The following TRIT1 variants were observed in gnomAD, a reference collection of about 807,000 sequenced individuals.
TRIT1 encodes tRNA isopentenyltransferase 1, also known as tRNA dimethylallyltransferase.
In TRIT1, 43 loss-of-function variants were observed where a neutral mutation model predicts 51.2. The ratio of observed to expected loss-of-function variants is 0.84; its 90% CI spans 0.66 to 1.08. The LOEUF (loss-of-function observed/expected upper bound fraction) is 1.08. Ranked by LOEUF, TRIT1 falls within the 50% of genes least tolerant of loss-of-function variation. The pLI, the probability that TRIT1 is intolerant of heterozygous loss-of-function variation, is 0.00. For synonymous variants in TRIT1, 184 were observed against 203.9 expected (o/e 0.90, Z 0.83); for missense variants, 528 against 578.4 (o/e 0.91, Z 0.89).
rs761938379 is a variant in TRIT1 at position 39,840,930 on chromosome 1, GAACA to G, written c.*810_*813del. ...TTAAATAAACACCCGCTACATAAAT[GAACA>G]GACAGCATGATCTACAAAAAGTGTC... On this transcript the variant is annotated 3_prime_UTR_variant, in exon 11 of 11. Coordinates refer to ENST00000316891, the MANE Select transcript of TRIT1 (RefSeq NM_017646.6). 1.3e-5 allele frequency: 2 copies of G among 152,252 alleles called. No homozygotes were observed. The highest frequency in any genetic ancestry group is 6.5e-5 in the Admixed American group (1 of 15,296). 9.4% of individuals were successfully genotyped at this position (152,252 alleles called of 1,614,324 possible).
Position 39,841,913 on chromosome 1 carries a change from G to A in TRIT1, c.1235C>T (p.Ala412Val), listed in dbSNP as rs147582410. The change falls in exon 11 of 11, where the codon GCG becomes GTG. Residue 412 changes from alanine (A) to valine (V), a missense_variant and splice_region_variant. By Grantham distance (64) the Ala-to-Val change is moderately conservative. Coordinates refer to ENST00000316891, the MANE Select transcript of TRIT1 (RefSeq NM_017646.6). ...CAAGTGGGATTTGGATTTTATGTGC[G>A]CTGATAAGACAAAATCAAACCAAAC... ...RIIIGDREWAAHIKSKSHLNQ... is the reference protein window; with the variant it reads ...RIIIGDREWAVHIKSKSHLNQ... 3.9e-5 allele frequency: 63 copies of A among 1,605,466 alleles called. 1 individual carries two copies. Among genetic ancestry groups the A allele is most frequent in the South Asian group, 2.4e-4 (21 of 88,852 alleles).
intron 1 of TRIT1, among the ~76,000 whole-genome samples, chr1:39,874,161 CTCAA>C (rs917895214): frequency 1.4e-4 from 21 of 152,116 alleles, no homozygotes; most frequent in Non-Finnish European, 2.6e-4. Context: ...AAGACCGTGT[CTCAA>C]TCAATCAATC....
chr1:39,859,212 C>T (rs1042411843), intron 1 of TRIT1, among the ~76,000 whole-genome samples: 11 of 136,584 alleles, frequency 8.1e-5, no homozygotes, highest in South Asian at 2.4e-4. Context: ...GCCAAGATCA[C>T]GCCATTGCGT....
At chr1:39,852,929 G>A in intron 3 of TRIT1, 53 bp from the exon 4 acceptor site, 7 of 1,586,096 alleles carry the variant, frequency 4.4e-6, no homozygotes, top group Non-Finnish European at 6.0e-6. Flanking sequence ...CTGAGACAGT[G>A]TATGTGCCAG....
At chr1:39,866,826 C>CA (rs939269480) in intron 1 of TRIT1, among the ~76,000 whole-genome samples, 7 of 152,048 alleles carry the variant, frequency 4.6e-5, no homozygotes, top group South Asian at 2.1e-4. Flanking sequence ...AAAACAAAAA[C>CA]AAAAAAACAG....
chr1:39,858,735 A>C (rs1264461067), intron 1 of TRIT1, among the ~76,000 whole-genome samples: 4 of 152,200 alleles, frequency 2.6e-5, no homozygotes, highest in Admixed American at 2.6e-4. Flanking sequence ...ACAGCATATA[A>C]ATAAAAAATA....
Position 39,857,273 on chromosome 1 carries a change from A to G in TRIT1, c.315+4T>C. ...AACCCAGCTGCTGCCTTTCCTAAGG[A>G]TATCAGAGCAGTTGCTCTATTTCTG... On this transcript the variant is annotated splice_donor_region_variant and intron_variant, in intron 2 of 10. Transcript: ENST00000316891. The G allele has an allele frequency of 6.2e-7, 1 of 1,605,346 alleles. No individual in the cohort carries two copies. Among genetic ancestry groups the G allele is most frequent in the Non-Finnish European group, 8.5e-7 (1 of 1,174,962 alleles).
At position 39,842,108 on chromosome 1, in the gene TRIT1, T is replaced by G. The variant is rs114327070; in HGVS notation, c.1235-195A>C. ...TTATATGGCCAGCCAGCTAGCAAAA[T>G]AGAGTGAGCTACCACATATCAAGTG... is the stretch of plus-strand genomic sequence containing the variant. On this transcript the variant is annotated intron_variant, in intron 10 of 10. Coordinates refer to ENST00000316891, the MANE Select transcript of TRIT1 (RefSeq NM_017646.6). Among the ~76,000 whole-genome samples, 964 of 152,310 alleles carry G rather than the reference T, an allele frequency of 6.3e-3. 12 individuals are homozygous for G. Among genetic ancestry groups the G allele is most frequent in the African/African-American group, 0.021 (871 of 41,570 alleles).
At chr1:39,863,080 T>C (rs1347456384) in intron 1 of TRIT1, 1 of 322,056 alleles carries the variant, frequency 3.1e-6, no homozygotes, top group African/African-American at 2.2e-5. Context: ...TCATCAATTA[T>C]CTAACATAAT....
chr1:39,863,006 C>T, intron 1 of TRIT1: 2 of 955,180 alleles, frequency 2.1e-6, no homozygotes, highest in Non-Finnish European at 1.2e-6. Context: ...AACTAAGGGA[C>T]AACTGGCTTC....
intron 8 of TRIT1, among the ~76,000 whole-genome samples, chr1:39,846,176 C>T (rs1483969471): frequency 1.3e-5 from 2 of 152,142 alleles, no homozygotes; most frequent in Non-Finnish European, 2.9e-5. Flanking sequence ...CTCTTCACAC[C>T]AGAACTCCAC....
intron 5 of TRIT1, 35 bp from the exon 6 acceptor site, chr1:39,848,132 G>A (rs745840577): frequency 1.3e-6 from 2 of 1,528,970 alleles, no homozygotes; most frequent in East Asian, 2.2e-5. Context: ...CAGCAAGCAA[G>A]TTGTAGGTAC....
chr1:39,883,190 T>C (rs1644315987), intron 1 of TRIT1, 128 bp downstream of exon 1: 2 of 963,142 alleles, frequency 2.1e-6, no homozygotes, highest in Non-Finnish European at 3.0e-6. Flanking sequence ...GCTTAGTAAG[T>C]ATGGGCTCCC....
chr1:39,870,491 C>T (rs1451456939), intron 1 of TRIT1, among the ~76,000 whole-genome samples: 1 of 135,786 alleles, frequency 7.4e-6, no homozygotes, highest in Non-Finnish European at 1.5e-5. Flanking sequence ...GCGAGCAACA[C>T]CCAAGAATGA....
At chr1:39,880,105 G>A (rs916706114) in intron 1 of TRIT1, among the ~76,000 whole-genome samples, 4 of 151,682 alleles carry the variant, frequency 2.6e-5, no homozygotes, top group African/African-American at 9.7e-5. Flanking sequence ...AATCCTGGAG[G>A]CGGAGGTTGC....
chr1:39,844,320 C>T (rs1335912288), intron 9 of TRIT1, 102 bp from the exon 10 acceptor site: 3 of 1,074,588 alleles, frequency 2.8e-6, no homozygotes, highest in African/African-American at 1.6e-5. Context: ...TTTTCTCAAC[C>T]CAGAGAGCAG....
chr1:39,841,108 A>T lies in TRIT1; in HGVS notation c.*636T>A, dbSNP rs1238942603. On this transcript the variant is annotated 3_prime_UTR_variant, in exon 11 of 11. Coordinates refer to ENST00000316891, the MANE Select transcript of TRIT1 (RefSeq NM_017646.6). ...TAAAAATATAGATTTGTAACTCAAT[A>T]GAAAGACAGCAGTGATAATAACTCA... is the stretch of plus-strand genomic sequence containing the variant. 2 of 152,266 alleles carry T rather than the reference A, an allele frequency of 1.3e-5. No homozygotes were observed. The highest frequency in any genetic ancestry group is 2.9e-5 in the Non-Finnish European group (2 of 68,050). The allele number at this position is 152,266 out of a possible 1,614,324, so 9.4% of individuals were successfully genotyped here. A position where few individuals can be genotyped will look rare whatever the true frequency, so the allele number is the denominator to read the frequency against.
chr1:39,851,618 C>G (rs1008482854), intron 4 of TRIT1, among the ~76,000 whole-genome samples: 1 of 152,094 alleles, frequency 6.6e-6, no homozygotes, highest in Non-Finnish European at 1.5e-5. Flanking sequence ...CCCCACCCCC[C>G]TGCCGTGCAA....
intron 1 of TRIT1, among the ~76,000 whole-genome samples, chr1:39,882,948 T>A (rs1403310918): frequency 1.3e-5 from 2 of 152,230 alleles, no homozygotes; most frequent in Non-Finnish European, 2.9e-5. Context: ...TCTGGAATAA[T>A]TTTTATTCAA....
Sources: gnomAD v4.1 joint callset for allele counts (sites outside exome capture counted in the v4.1 genomes callset) on GRCh38, gnomAD v4.1.1 for gene constraint, MANE v1.5 for transcripts, NCBI Gene and HGNC (gene_info 2026-07-23, HGNC 2026-07-21) for gene names.